ZBTB38: variants seen among roughly 807,000 people sequenced by gnomAD.
ZBTB38 encodes zinc finger and BTB domain containing 38, also known as zinc finger and BTB domain-containing protein 38.
Under a neutral mutation model 76.8 loss-of-function variants are expected in ZBTB38, and 20 were observed. That is an observed-to-expected ratio of 0.26 (90% CI 0.18 to 0.38). The LOEUF (loss-of-function observed/expected upper bound fraction) is 0.38. Ranked by LOEUF, ZBTB38 falls within the 10% of genes least tolerant of loss-of-function variation. The pLI is 1.00. For synonymous variants in ZBTB38, 504 were observed against 544.2 expected, an observed-to-expected ratio of 0.93 and a Z score of 1.03; for missense variants, 1,082 against 1,482.3, an observed-to-expected ratio of 0.73 and a Z score of 4.43.
chr3:141,358,506 A>G (rs1943727919), intron 1 of ZBTB38, among the ~76,000 whole-genome samples: 1 of 152,238 alleles, frequency 6.6e-6, no homozygotes, highest in Non-Finnish European at 1.5e-5. Context: ...TAGATAATAG[A>G]TCACCACTGA....
intron 1 of ZBTB38, among the ~76,000 whole-genome samples, chr3:141,341,278 C>T (rs180728107): frequency 1.4e-4 from 22 of 152,342 alleles, no homozygotes; most frequent in South Asian, 4.1e-4. Context: ...AAAGTTATCA[C>T]ATGACTCAGC....
chr3:141,417,798 C>T (rs75290540), intron 5 of ZBTB38, among the ~76,000 whole-genome samples: 9,834 of 152,140 alleles, frequency 0.065, 617 homozygotes, highest in African/African-American at 0.16. Flanking sequence ...GGCTTGATCA[C>T]GAGGTCAAGA....
At chr3:141,422,458 T>G (rs1476679878) in intron 5 of ZBTB38, among the ~76,000 whole-genome samples, 3 of 152,120 alleles carry the variant, frequency 2.0e-5, no homozygotes, top group Non-Finnish European at 4.4e-5. Flanking sequence ...GGGAACAGAG[T>G]GCTCCTATGC....
intron 1 of ZBTB38, among the ~76,000 whole-genome samples, chr3:141,336,579 C>T (rs1943021781): frequency 6.6e-6 from 1 of 152,058 alleles, no homozygotes; most frequent in Non-Finnish European, 1.5e-5. Flanking sequence ...GAACTCCTGG[C>T]CTCAAGCAAT....
intron 1 of ZBTB38, among the ~76,000 whole-genome samples, chr3:141,360,168 GTCAAAGAGGCATTAAA>G (rs1286573543): frequency 6.6e-6 from 1 of 152,178 alleles, no homozygotes; most frequent in Non-Finnish European, 1.5e-5. Context: ...GATCCCAAGT[GTCAAAGAGGCATTAAA>G]CACATGCACC....
At chr3:141,360,664 C>T (rs763940519) in intron 1 of ZBTB38, among the ~76,000 whole-genome samples, 5 of 152,028 alleles carry the variant, frequency 3.3e-5, no homozygotes, top group Admixed American at 3.3e-4. Flanking sequence ...GGGCAGGTCC[C>T]GTCATTTTTC....
At chr3:141,412,251 G>A (rs775520049) in intron 5 of ZBTB38, among the ~76,000 whole-genome samples, 6 of 152,152 alleles carry the variant, frequency 3.9e-5, no homozygotes, top group Non-Finnish European at 7.3e-5. Context: ...ATGGTTTTGT[G>A]TATCTCTAGA....
intron 1 of ZBTB38, among the ~76,000 whole-genome samples, chr3:141,344,504 G>A (rs192998886): frequency 3.7e-4 from 57 of 152,222 alleles, no homozygotes; most frequent in African/African-American, 1.2e-3. Flanking sequence ...GAATAACTGG[G>A]ACCACAGGCA....
At chr3:141,366,646 A>C (rs948665370), upstream of ZBTB38, 14 of 152,186 alleles carry the variant, frequency 9.2e-5, no homozygotes, top group Non-Finnish European at 1.6e-4. Context: ...AGAACTACAC[A>C]ATGTCCCAGG....
At chr3:141,332,294 T>C (rs1320584242) in intron 1 of ZBTB38, among the ~76,000 whole-genome samples, 3 of 152,206 alleles carry the variant, frequency 2.0e-5, no homozygotes, top group Non-Finnish European at 4.4e-5. Context: ...ATTCCCTGAG[T>C]GCACCCAGAC....
intron 5 of ZBTB38, among the ~76,000 whole-genome samples, chr3:141,429,316 G>T (rs115037602): frequency 0.06 from 8,998 of 148,960 alleles, 353 homozygotes; most frequent in East Asian, 0.22. Flanking sequence ...ACGGCGGCAG[G>T]TTGCCTTTTG....
Position 141,368,766 on chromosome 3 carries a change from T to C in ZBTB38, c.-348T>C, listed in dbSNP as rs1365942383. 1.3e-5 allele frequency: 2 copies of C among 151,086 alleles called. No individual in the cohort carries two copies. The highest frequency in any genetic ancestry group is 4.9e-5 in the African/African-American group (2 of 41,008). 9.4% of individuals were successfully genotyped at this position (151,086 alleles called of 1,614,324 possible). ...GGTTGTGACTCCTGGGCCCAGGGAG[T>C]TGACAGCGTCTGGGTTTCAGAGGAG... On this transcript the variant is annotated 5_prime_UTR_variant, in exon 1 of 6. Coordinates refer to ENST00000321464, the MANE Select transcript of ZBTB38 (RefSeq NM_001376113.1).
In ZBTB38 at chr3:141,444,641, G is replaced by A; in HGVS notation, c.2253G>A (p.Gln751=). The A allele has an allele frequency of 6.2e-7, 1 of 1,614,144 alleles. No individual in the cohort carries two copies. The highest frequency in any genetic ancestry group is 2.2e-5 in the East Asian group (1 of 44,880). The change falls in exon 6 of 6, where the codon CAG becomes CAA. Residue 751 remains glutamine, a synonymous_variant. Coordinates refer to ENST00000321464, the MANE Select transcript of ZBTB38 (RefSeq NM_001376113.1). The surrounding 1 kb of genome is among the most constrained non-coding windows in gnomAD (Gnocchi z 5.1). Reference sequence around the variant, plus strand: ...CCTTTTCAGACCCAGCTGTCAGTCAGTCCCTGAAAGATGACAGTAAGCCCG... The same window carrying A: ...CCTTTTCAGACCCAGCTGTCAGTCAATCCCTGAAAGATGACAGTAAGCCCG... ...HRAFSDPAVS[Q]SLKDDSKPEP...
At chr3:141,403,559 T>C (rs1953135269) in intron 4 of ZBTB38, among the ~76,000 whole-genome samples, 1 of 152,262 alleles carries the variant, frequency 6.6e-6, no homozygotes, top group African/African-American at 2.4e-5. Flanking sequence ...TCGGTTTATA[T>C]AATGTAAATT....
At chr3:141,329,331 C>A (rs1161680125) in intron 1 of ZBTB38, among the ~76,000 whole-genome samples, 1 of 152,202 alleles carries the variant, frequency 6.6e-6, no homozygotes, top group Non-Finnish European at 1.5e-5. Flanking sequence ...CTTCAACATG[C>A]TCAGGAAAAA....
At chr3:141,380,902 T>C (rs987162408) in intron 2 of ZBTB38, among the ~76,000 whole-genome samples, 7 of 152,200 alleles carry the variant, frequency 4.6e-5, no homozygotes, top group African/African-American at 1.4e-4. Context: ...AAGAAAGATA[T>C]AAAGAGAAGA....
chr3:141,431,335 A>ATAT (rs1185607775), intron 5 of ZBTB38, among the ~76,000 whole-genome samples: 1 of 101,468 alleles, frequency 9.9e-6, no homozygotes, highest in African/African-American at 6.1e-5. Context: ...AAAAAAAAAA[A>ATAT]AAAAAAATAT....
intron 3 of ZBTB38, among the ~76,000 whole-genome samples, chr3:141,381,800 G>A (rs1203957909): frequency 6.6e-6 from 1 of 152,096 alleles, no homozygotes; most frequent in African/African-American, 2.4e-5. Flanking sequence ...CCAGCTCTTG[G>A]CCTACTTGAC....
intron 5 of ZBTB38, among the ~76,000 whole-genome samples, chr3:141,420,761 C>T (rs567281342): frequency 2.6e-5 from 4 of 152,190 alleles, no homozygotes; most frequent in Non-Finnish European, 4.4e-5. Flanking sequence ...CAGTCATCAC[C>T]GTCCTGAACT....
Sources: gnomAD v4.1 joint callset for allele counts (sites outside exome capture counted in the v4.1 genomes callset) on GRCh38, gnomAD v4.1.1 for gene constraint, Gnocchi (gnomAD v3.1) non-coding constraint, MANE v1.5 for transcripts, NCBI Gene and HGNC (gene_info 2026-07-23, HGNC 2026-07-21) for gene names.